Variants in ATP8B4 observed in about 807,000 individuals in gnomAD.
ATP8B4 encodes the protein probable phospholipid-transporting ATPase IM.
In ATP8B4, 133 loss-of-function variants were observed where a neutral mutation model predicts 145.6. The ratio of observed to expected loss-of-function variants is 0.91; its 90% CI spans 0.79 to 1.05. ATP8B4 has a LOEUF of 1.05. Among genes scored for constraint, ATP8B4 ranks in the 50% least tolerant of loss-of-function variants. The pLI, the probability that ATP8B4 is intolerant of heterozygous loss-of-function variation, is 0.00. For synonymous variants in ATP8B4, 507 were observed against 492.9 expected (o/e 1.03, Z -0.38); for missense variants, 1,458 against 1,425.2 (o/e 1.02, Z -0.37).
chr15:50,036,894 A>G (rs1473187766), intron 6 of ATP8B4, among the ~76,000 whole-genome samples: 2 of 152,214 alleles, frequency 1.3e-5, no homozygotes, highest in Non-Finnish European at 2.9e-5. Flanking sequence ...ATCGGCAACA[A>G]TGCTTTTCAA....
At chr15:49,874,814 C>T (rs779292195) in intron 25 of ATP8B4, among the ~76,000 whole-genome samples, 31 of 152,028 alleles carry the variant, frequency 2.0e-4, no homozygotes, top group Admixed American at 6.6e-5. Context: ...GTGATAGTTT[C>T]TGTGGGCTCT....
chr15:49,928,431 C>A (rs1335593595), intron 16 of ATP8B4, among the ~76,000 whole-genome samples: 1 of 151,966 alleles, frequency 6.6e-6, no homozygotes, highest in East Asian at 1.9e-4. Context: ...ATGGTGAGGT[C>A]TAGTTGAGCT....
intron 23 of ATP8B4, among the ~76,000 whole-genome samples, chr15:49,885,042 T>A (rs947699267): frequency 3.9e-5 from 6 of 152,228 alleles, no homozygotes; most frequent in African/African-American, 1.4e-4. Context: ...GTTAAAACCC[T>A]CTAATGGTTT....
At chr15:50,111,132 T>C (rs1390250045) in intron 1 of ATP8B4, among the ~76,000 whole-genome samples, 2 of 152,202 alleles carry the variant, frequency 1.3e-5, no homozygotes, top group African/African-American at 2.4e-5. Context: ...AAGTCTCTTC[T>C]TACAGTGAAA....
At chr15:50,077,652 C>T (rs1028497022) in intron 2 of ATP8B4, among the ~76,000 whole-genome samples, 2 of 152,046 alleles carry the variant, frequency 1.3e-5, no homozygotes, top group Non-Finnish European at 2.9e-5. Flanking sequence ...AAAAGTGTCT[C>T]CATTTGATGA....
intron 14 of ATP8B4, among the ~76,000 whole-genome samples, chr15:49,956,848 A>C (rs1206790796): frequency 6.6e-6 from 1 of 152,208 alleles, no homozygotes; most frequent in East Asian, 1.9e-4. Flanking sequence ...ACTTGGCCTG[A>C]ATAGATATTT....
chr15:50,127,986 G>A (rs2057318481), intron 1 of ATP8B4, among the ~76,000 whole-genome samples: 1 of 152,230 alleles, frequency 6.6e-6, no homozygotes, highest in African/African-American at 2.4e-5. Flanking sequence ...CAGATGAGCA[G>A]ATGATGGAGC....
At chr15:50,028,709 G>A (rs1369493591) in intron 6 of ATP8B4, among the ~76,000 whole-genome samples, 1 of 152,066 alleles carries the variant, frequency 6.6e-6, no homozygotes, top group African/African-American at 2.4e-5. Context: ...GTAGGTTGGT[G>A]CAAAAGTAAT....
intron 3 of ATP8B4, among the ~76,000 whole-genome samples, chr15:50,061,081 G>C (rs2052981684): frequency 6.6e-6 from 1 of 152,108 alleles, no homozygotes; most frequent in African/African-American, 2.4e-5. Flanking sequence ...ATGAAACACT[G>C]AAATGCCTTA....
chr15:50,118,905 A>T (rs1239512089), intron 1 of ATP8B4, among the ~76,000 whole-genome samples: 1 of 152,176 alleles, frequency 6.6e-6, no homozygotes, highest in African/African-American at 2.4e-5. Flanking sequence ...CAAACAACAA[A>T]AAAGAAAATG....
intron 7 of ATP8B4, chr15:50,009,178 G>C (rs914655927): frequency 3.3e-5 from 5 of 152,142 alleles, no homozygotes; most frequent in African/African-American, 1.2e-4. Context: ...AAAGAACCCT[G>C]AATATATGTG....
chr15:50,031,945 T>C (rs2050475575), intron 6 of ATP8B4, among the ~76,000 whole-genome samples: 1 of 152,252 alleles, frequency 6.6e-6, no homozygotes, highest in East Asian at 1.9e-4. Flanking sequence ...TTAATTATTG[T>C]AATATAAAAC....
chr15:50,148,479 C>T (rs2044306811), intron 1 of ATP8B4, among the ~76,000 whole-genome samples: 2 of 152,134 alleles, frequency 1.3e-5, no homozygotes, highest in African/African-American at 2.4e-5. Context: ...GAGCTCCTCC[C>T]TCATGAATGG....
intron 24 of ATP8B4, among the ~76,000 whole-genome samples, chr15:49,877,038 A>G (rs1311903858): frequency 6.6e-6 from 1 of 152,212 alleles, no homozygotes; most frequent in Non-Finnish European, 1.5e-5. Context: ...AGCAGGGAAA[A>G]GGGGAAACTG....
At chr15:49,872,066 AATG>A (rs1192369664) in intron 25 of ATP8B4, among the ~76,000 whole-genome samples, 6 of 152,208 alleles carry the variant, frequency 3.9e-5, no homozygotes, top group African/African-American at 1.4e-4. Context: ...TCTGCATTGC[AATG>A]ATGAGGATTA....
rs56328895 is a variant in ATP8B4 at position 49,960,760 on chromosome 15, T to C, written c.1287+1217A>G. ...ACATAAAACTCATTTCACAGACAAA[T>C]ACTTATTTTCCCTAATATAGAAATA... On this transcript the variant is annotated intron_variant, in intron 14 of 27. Transcript: ENST00000284509. 6.6e-3 allele frequency among the ~76,000 whole-genome samples: 1,010 copies of C among 152,224 alleles called. 12 individuals carry two copies. Among genetic ancestry groups the C allele is most frequent in the African/African-American group, 0.023 (971 of 41,526 alleles).
intron 10 of ATP8B4, among the ~76,000 whole-genome samples, chr15:49,981,761 A>G (rs530724843): frequency 6.6e-6 from 1 of 152,300 alleles, no homozygotes; most frequent in South Asian, 2.1e-4. Flanking sequence ...AGGAGAAACT[A>G]GAATAGCCCC....
chr15:49,999,343 A>G (rs1457448433), intron 8 of ATP8B4, among the ~76,000 whole-genome samples: 3 of 133,068 alleles, frequency 2.3e-5, no homozygotes, highest in East Asian at 2.3e-4. Flanking sequence ...ATGAGAACAC[A>G]TGGACACAGG....
At chr15:49,928,095 G>A (rs1047595143) in intron 16 of ATP8B4, among the ~76,000 whole-genome samples, 2 of 152,128 alleles carry the variant, frequency 1.3e-5, no homozygotes, top group African/African-American at 4.8e-5. Flanking sequence ...CTTATCATGT[G>A]CCAAGCTCTG....
Sources: allele counts gnomAD v4.1 joint callset (sites outside exome capture counted in the v4.1 genomes callset), GRCh38; gene constraint gnomAD v4.1.1; transcripts MANE v1.5; gene names NCBI Gene and HGNC (gene_info 2026-07-23, HGNC 2026-07-21).